CNTN4: variants seen among roughly 807,000 people sequenced by gnomAD.
CNTN4 encodes the protein contactin-4.
A neutral mutation model predicts 122.5 loss-of-function variants in CNTN4; 77 were observed. That is an observed-to-expected ratio of 0.63 (90% confidence interval 0.52 to 0.76). CNTN4 has a LOEUF of 0.76. CNTN4 is among the 30% of genes least tolerant of loss of function. CNTN4 has a pLI of 0.00. For synonymous variants in CNTN4, 512 were observed against 447.0 expected (o/e 1.15, Z -1.83); for missense variants, 1,256 against 1,259.1 (o/e 1.00, Z 0.04).
intron 2 of CNTN4, among the ~76,000 whole-genome samples, chr3:2,266,598 A>T (rs1401073025): frequency 6.6e-6 from 1 of 152,076 alleles, no homozygotes; most frequent in African/African-American, 2.4e-5. Context: ...TATATATGAG[A>T]CAAGGAGCCT....
At chr3:2,738,237 T>A (rs951684605) in intron 5 of CNTN4, among the ~76,000 whole-genome samples, 1 of 152,110 alleles carries the variant, frequency 6.6e-6, no homozygotes, top group African/African-American at 2.4e-5. Context: ...CAGATTATCA[T>A]AAAAGTAACC....
intron 2 of CNTN4, among the ~76,000 whole-genome samples, chr3:2,178,174 G>A (rs1187064671): frequency 6.6e-6 from 1 of 152,038 alleles, no homozygotes; most frequent in Non-Finnish European, 1.5e-5. Flanking sequence ...TTTATACTCT[G>A]TGAGAGCTTT....
chr3:2,639,491 T>G (rs1245342333), intron 4 of CNTN4, among the ~76,000 whole-genome samples: 5 of 152,224 alleles, frequency 3.3e-5, no homozygotes, highest in African/African-American at 9.7e-5. Context: ...TCCACATTCA[T>G]GGAGCTCCCT....
At chr3:2,787,325 G>A (rs932626997) in intron 6 of CNTN4, among the ~76,000 whole-genome samples, 2 of 152,156 alleles carry the variant, frequency 1.3e-5, no homozygotes, top group Non-Finnish European at 2.9e-5. Flanking sequence ...GCAGTGAGCC[G>A]AGATCATGCC....
Position 2,682,208 on chromosome 3 carries a change from A to G in CNTN4, c.56-54007A>G, listed in dbSNP as rs888821882. On this transcript the variant is annotated intron_variant, in intron 4 of 24. Transcript: ENST00000418658. The stretch of plus-strand genomic sequence containing the variant: ...AATATATAAATAACACTCCTTGACC[A>G]TGAAACATTTATGATCTCTTGGAGG... Among the ~76,000 whole-genome samples, 141 of 152,350 alleles carry G rather than the reference A, an allele frequency of 9.3e-4. 2 individuals carry two copies. The highest frequency in any genetic ancestry group is 9.1e-3 in the Admixed American group (139 of 15,304).
Position 2,704,062 on chromosome 3 carries a change from G to T in CNTN4, c.56-32153G>T, listed in dbSNP as rs577504301. On this transcript the variant is annotated intron_variant, in intron 4 of 24. Coordinates refer to ENST00000418658, the MANE Select transcript of CNTN4 (RefSeq NM_175607.3). Reference sequence around the variant, plus strand: ...AATCCCAGAACTTTGGGAGGCTGAGGCAGGCGGGCGGATCATTTGAGGTCA... The same window carrying T: ...AATCCCAGAACTTTGGGAGGCTGAGTCAGGCGGGCGGATCATTTGAGGTCA... Among the ~76,000 whole-genome samples, 12 of 151,972 alleles carry T rather than the reference G, an allele frequency of 7.9e-5. No homozygotes were observed. The South Asian group carries it at 2.5e-3, about 32-fold the overall frequency.
At chr3:2,235,528 C>T (rs981927733) in intron 2 of CNTN4, among the ~76,000 whole-genome samples, 3 of 152,024 alleles carry the variant, frequency 2.0e-5, no homozygotes, top group Non-Finnish European at 4.4e-5. Context: ...ACTCTTCTCT[C>T]TGCTTAAAAT....
intron 13 of CNTN4, among the ~76,000 whole-genome samples, chr3:2,944,071 T>G (rs1219064079): frequency 2.0e-5 from 3 of 151,934 alleles, no homozygotes; most frequent in Non-Finnish European, 4.4e-5. Context: ...TTTTCCTCAG[T>G]AGCTCTAATA....
In CNTN4 at chr3:2,840,364, C is replaced by G. The variant is rs553563463; in HGVS notation, c.454+20783C>G. 2.6e-5 allele frequency among the ~76,000 whole-genome samples: 4 copies of G among 152,038 alleles called. No individual in the cohort carries two copies. The South Asian group carries it at 8.3e-4, about 32-fold the overall frequency. On this transcript the variant is annotated intron_variant, in intron 7 of 24. Coordinates refer to ENST00000418658, the MANE Select transcript of CNTN4 (RefSeq NM_175607.3). Reference sequence around the variant, plus strand: ...TTCTTTTCCTTTGTTCCTGCTTGCCCTTCTCCTCCTCTTTCTCCTCCTCCT... The same window carrying G: ...TTCTTTTCCTTTGTTCCTGCTTGCCGTTCTCCTCCTCTTTCTCCTCCTCCT...
At chr3:2,608,152 T>G (rs2081336393) in intron 4 of CNTN4, among the ~76,000 whole-genome samples, 1 of 152,212 alleles carries the variant, frequency 6.6e-6, no homozygotes. Context: ...TCAGCCACCT[T>G]AAAGACCACA....
Position 2,119,817 on chromosome 3 carries a change from A to G in CNTN4, c.-145+19178A>G, listed in dbSNP as rs140182327. On this transcript the variant is annotated intron_variant, in intron 2 of 24. Transcript: ENST00000418658. ...AAGTGGATATGGAACTTGCCATCAT[A>G]GAGCTTAGGGTGTGGTAGGGGTTAC... 4.1e-3 allele frequency among the ~76,000 whole-genome samples: 631 copies of G among 152,340 alleles called. 2 individuals carry two copies. Among genetic ancestry groups the G allele is most frequent in the African/African-American group, 0.014 (601 of 41,580 alleles).
chr3:2,470,957 T>C (rs2075664389), intron 3 of CNTN4, among the ~76,000 whole-genome samples: 1 of 152,210 alleles, frequency 6.6e-6, no homozygotes, highest in African/African-American at 2.4e-5. Flanking sequence ...GCTGTCACAT[T>C]TCCAAGGGAA....
At chr3:2,719,142 T>C (rs961829889) in intron 4 of CNTN4, among the ~76,000 whole-genome samples, 21 of 152,322 alleles carry the variant, frequency 1.4e-4, no homozygotes, top group Middle Eastern at 3.4e-3. Flanking sequence ...CTTGTCAATC[T>C]TTTTTCACTA....
chr3:2,148,050 A>T (rs778174194), intron 2 of CNTN4, among the ~76,000 whole-genome samples: 7 of 152,038 alleles, frequency 4.6e-5, no homozygotes, highest in Non-Finnish European at 5.9e-5. Context: ...TTTTCTTCTT[A>T]AGGCATGATA....
chr3:2,627,272 G>C (rs1047543762), intron 4 of CNTN4, among the ~76,000 whole-genome samples: 1 of 152,138 alleles, frequency 6.6e-6, no homozygotes, highest in Non-Finnish European at 1.5e-5. Context: ...TTTTTAAATG[G>C]ATTTTGCATT....
At chr3:2,632,090 GTGTA>G (rs748756943) in intron 4 of CNTN4, among the ~76,000 whole-genome samples, 3 of 147,350 alleles carry the variant, frequency 2.0e-5, no homozygotes, top group South Asian at 2.3e-4. Flanking sequence ...ACACACGTGT[GTGTA>G]TGTATGTATG....
intron 3 of CNTN4, among the ~76,000 whole-genome samples, chr3:2,552,022 A>G (rs940679448): frequency 2.0e-5 from 3 of 152,122 alleles, no homozygotes; most frequent in Admixed American, 2.0e-4. Flanking sequence ...AAACAAAACT[A>G]TTTGTCTTCA....
At chr3:2,353,622 C>T (rs144696726) in intron 3 of CNTN4, among the ~76,000 whole-genome samples, 11 of 152,052 alleles carry the variant, frequency 7.2e-5, no homozygotes, top group East Asian at 1.9e-4. Context: ...TGAACAACTC[C>T]GGACACACCA....
chr3:2,656,741 A>G (rs1342774140), intron 4 of CNTN4, among the ~76,000 whole-genome samples: 1 of 152,220 alleles, frequency 6.6e-6, no homozygotes, highest in Admixed American at 6.5e-5. Context: ...TCAGATGTGT[A>G]TGAGTCAGCA....
Sources: gnomAD v4.1 joint callset for allele counts (sites outside exome capture counted in the v4.1 genomes callset) on GRCh38, gnomAD v4.1.1 for gene constraint, MANE v1.5 for transcripts, NCBI Gene and HGNC (gene_info 2026-07-23, HGNC 2026-07-21) for gene names.